Variants in TSPAN11 observed in about 807,000 individuals in gnomAD.
TSPAN11 encodes the protein tetraspanin 11, also known as tetraspanin-11.
In TSPAN11, 29 loss-of-function variants were observed where a neutral mutation model predicts 32.9. The observed-to-expected ratio is 0.88, with a 90% CI of 0.66 to 1.20. The LOEUF (loss-of-function observed/expected upper bound fraction) is 1.20, where lower values mean the gene tolerates loss of function less well. Ranked by LOEUF, TSPAN11 falls within the 50% of genes most tolerant of loss-of-function variation. The pLI is 0.00. For missense variants in TSPAN11, 283 were observed against 329.1 expected, an observed-to-expected ratio of 0.86 and a Z score of 1.08; for synonymous variants, 140 against 141.3, an observed-to-expected ratio of 0.99 and a Z score of 0.07.
At chr12:30,941,907 T>C (rs1938173726) in intron 1 of TSPAN11, among the ~76,000 whole-genome samples, 2 of 152,254 alleles carry the variant, frequency 1.3e-5, no homozygotes, top group African/African-American at 2.4e-5. Flanking sequence ...ACTGTAGCCA[T>C]TGCCTTCTTC....
At position 30,934,669 on chromosome 12, in the gene TSPAN11, G is replaced by A. The variant is rs118015870; in HGVS notation, c.-12+7873G>A. Among the ~76,000 whole-genome samples, 94 of 148,806 alleles carry A rather than the reference G, an allele frequency of 6.3e-4. 1 individual carries two copies. The East Asian group carries it at 0.017, about 26-fold the overall frequency. ...TTTTGCAATTTTTTTCTTTTAGCTCGTTAGCTGTCATTAGTGTTAGGGTAT... is the reference window on the plus strand; with the variant it reads ...TTTTGCAATTTTTTTCTTTTAGCTCATTAGCTGTCATTAGTGTTAGGGTAT... On this transcript the variant is annotated intron_variant, in intron 1 of 7. Transcript: ENST00000546076.
At chr12:31,011,380 C>T in the TSPAN11 span, among the ~76,000 whole-genome samples, 1 of 152,324 alleles carries the variant, frequency 6.6e-6, no homozygotes, top group East Asian at 1.9e-4. Context: ...ATCAGGGGTG[C>T]CGCTGGGGAG....
At position 30,994,103 on chromosome 12, in the gene TSPAN11, G is replaced by C. The variant is rs1318285818; in HGVS notation, c.*2188G>C. On this transcript the variant is annotated 3_prime_UTR_variant, in exon 8 of 8. Coordinates refer to ENST00000546076, the MANE Select transcript of TSPAN11 (RefSeq NM_001370302.1). ...GGCAGACAGTGGTAGAACAACCCAG[G>C]GCTTGGAAATCTGACCTCCTTGTCC... 1 of 152,288 alleles carries C rather than the reference G, an allele frequency of 6.6e-6. No individual in the cohort carries two copies. The highest frequency in any genetic ancestry group is 1.5e-5 in the Non-Finnish European group (1 of 68,110). The allele number at this position is 152,288 out of a possible 1,614,324, so 9.4% of individuals were successfully genotyped here.
At chr12:30,957,623 C>A (rs946724635) in intron 2 of TSPAN11, among the ~76,000 whole-genome samples, 3 of 151,414 alleles carry the variant, frequency 2.0e-5, no homozygotes, top group African/African-American at 7.3e-5. Context: ...GGGTTGAAAT[C>A]AATCAATCCC....
At chr12:30,978,474 T>C (rs1939018548) in intron 3 of TSPAN11, 87 bp from the exon 4 acceptor site, 16 of 1,340,782 alleles carry the variant, frequency 1.2e-5, no homozygotes, top group Non-Finnish European at 1.7e-5. Flanking sequence ...CCAGCAGGTA[T>C]CTCTACCACC....
chr12:30,980,481 G>A (rs1276709497), intron 5 of TSPAN11, among the ~76,000 whole-genome samples: 1 of 152,132 alleles, frequency 6.6e-6, no homozygotes, highest in Non-Finnish European at 1.5e-5. Context: ...ATCCGGATGT[G>A]TCCGTGTCAG....
chr12:30,979,670 T>C lies in TSPAN11; in HGVS notation c.456T>C (p.Asp152=). The change falls in exon 5 of 8, where the codon GAT becomes GAC. Residue 152 remains aspartate, a splice_region_variant and synonymous_variant. Transcript: ENST00000546076. ...ITASVDRLQQ[D]FKCCGSNSSA... ...CCTCAGTGGACCGACTCCAGCAGGA[T>C]GTAAGCCATGCCCCATATGGCCTTG... The C allele has an allele frequency of 6.2e-7, 1 of 1,614,070 alleles. No individual in the cohort carries two copies. The highest frequency in any genetic ancestry group is 8.5e-7 in the Non-Finnish European group (1 of 1,179,980).
chr12:30,964,522 A>G (rs951762075), intron 3 of TSPAN11, among the ~76,000 whole-genome samples: 44 of 151,814 alleles, frequency 2.9e-4, no homozygotes, highest in Admixed American at 2.5e-3. Context: ...ATGAAGCTCC[A>G]TCTTCCCTTC....
At chr12:30,930,031 G>A (rs1937887226) in intron 1 of TSPAN11, among the ~76,000 whole-genome samples, 1 of 152,178 alleles carries the variant, frequency 6.6e-6, no homozygotes, top group Admixed American at 6.5e-5. Context: ...GACGGAGACT[G>A]TGGAGAGAAG....
At chr12:30,969,366 A>G (rs151025728) in intron 3 of TSPAN11, among the ~76,000 whole-genome samples, 2,670 of 152,206 alleles carry the variant, frequency 0.018, 33 homozygotes, top group Non-Finnish European at 0.028. Flanking sequence ...GTGGCTCTTT[A>G]ACCTTTGAGT....
At chr12:30,985,796 G>C (rs1485729787) in intron 7 of TSPAN11, among the ~76,000 whole-genome samples, 1 of 152,272 alleles carries the variant, frequency 6.6e-6, no homozygotes, top group Non-Finnish European at 1.5e-5. Flanking sequence ...AAACCGCACA[G>C]CTGCATAAGT....
At chr12:30,968,806 C>T (rs139756773) in intron 3 of TSPAN11, among the ~76,000 whole-genome samples, 2,686 of 152,294 alleles carry the variant, frequency 0.018, 243 homozygotes, top group Admixed American at 0.15. Flanking sequence ...GCCACACCTC[C>T]ATCCAACAGG....
intron 1 of TSPAN11, among the ~76,000 whole-genome samples, chr12:30,938,755 G>A (rs1938096632): frequency 6.6e-6 from 1 of 152,124 alleles, no homozygotes; most frequent in South Asian, 2.1e-4. Context: ...GCAGCTTCTC[G>A]GGAAGCATCT....
At chr12:30,947,167 AC>A (rs1938286035) in intron 1 of TSPAN11, among the ~76,000 whole-genome samples, 1 of 152,154 alleles carries the variant, frequency 6.6e-6, no homozygotes. Context: ...TGCAGCCATT[AC>A]CATGCCCATC....
chr12:30,969,437 G>A (rs1170121998), intron 3 of TSPAN11, among the ~76,000 whole-genome samples: 1 of 152,198 alleles, frequency 6.6e-6, no homozygotes, highest in East Asian at 1.9e-4. Context: ...TCCAGCATGA[G>A]TCCTTTCCTC....
chr12:30,987,553 G>C (rs1457244754), intron 7 of TSPAN11, among the ~76,000 whole-genome samples: 1 of 152,028 alleles, frequency 6.6e-6, no homozygotes, highest in African/African-American at 2.4e-5. Flanking sequence ...GTTGCAGTGA[G>C]CCTAGATCAT....
chr12:30,991,188 G>A (rs919030835), intron 7 of TSPAN11, among the ~76,000 whole-genome samples: 7 of 152,198 alleles, frequency 4.6e-5, no homozygotes, highest in Admixed American at 1.3e-4. Context: ...CCTGGGGCCT[G>A]AGCTTGGTGC....
At chr12:30,933,901 G>A (rs1480704287) in intron 1 of TSPAN11, among the ~76,000 whole-genome samples, 1 of 152,102 alleles carries the variant, frequency 6.6e-6, no homozygotes, top group Non-Finnish European at 1.5e-5. Flanking sequence ...CAGCCATGAG[G>A]AGCCATGTTC....
At position 30,974,909 on chromosome 12, in the gene TSPAN11, C is replaced by T. The variant is rs141952502; in HGVS notation, c.277-3652C>T. ...GCAGGTGTCAGGAGACAGCAGATGA[C>T]GCGCTGCAGGCATTCAGACGGTGGG... On this transcript the variant is annotated intron_variant, in intron 3 of 7. Transcript: ENST00000546076. Among the ~76,000 whole-genome samples, 397 of 152,330 alleles carry T rather than the reference C, an allele frequency of 2.6e-3. 1 individual carries two copies. Among genetic ancestry groups the T allele is most frequent in the African/African-American group, 9.1e-3 (380 of 41,574 alleles).
Sources: gnomAD v4.1 joint callset for allele counts (sites outside exome capture counted in the v4.1 genomes callset) on GRCh38, gnomAD v4.1.1 for gene constraint, MANE v1.5 for transcripts, NCBI Gene and HGNC (gene_info 2026-07-23, HGNC 2026-07-21) for gene names.